ZNF260: variants seen among roughly 807,000 people sequenced by gnomAD.
The protein encoded by ZNF260 is zfp-260.
In ZNF260, 21 loss-of-function variants were observed where a neutral mutation model predicts 29.3. That is an observed-to-expected ratio of 0.72 (90% confidence interval 0.51 to 1.03). The LOEUF (loss-of-function observed/expected upper bound fraction) is 1.03, where lower values mean the gene tolerates loss of function less well. ZNF260 is among the 50% of genes least tolerant of loss of function. The pLI is 0.00. For synonymous variants in ZNF260, 156 were observed against 156.8 expected, an observed-to-expected ratio of 0.99 and a Z score of 0.04; for missense variants, 465 against 487.8, an observed-to-expected ratio of 0.95 and a Z score of 0.44.
At chr19:36,524,125 GTTT>G (rs1390728248) in intron 2 of ZNF260, among the ~76,000 whole-genome samples, 1 of 151,948 alleles carries the variant, frequency 6.6e-6, no homozygotes, top group Non-Finnish European at 1.5e-5. Flanking sequence ...GTCTTTGAAA[GTTT>G]TTTTATTGAT....
At chr19:36,518,460 T>G (rs1293719064) in intron 2 of ZNF260, among the ~76,000 whole-genome samples, 2 of 152,108 alleles carry the variant, frequency 1.3e-5, no homozygotes, top group African/African-American at 2.4e-5. Context: ...TAAAGAGGTG[T>G]TTTTAGAAAT....
chr19:36,526,924 C>G (rs533353546), intron 1 of ZNF260, among the ~76,000 whole-genome samples: 1 of 152,186 alleles, frequency 6.6e-6, no homozygotes, highest in Non-Finnish European at 1.5e-5. Flanking sequence ...TACTTAGAAG[C>G]CTTCTCTAAG....
Position 36,513,689 on chromosome 19 carries a change from C to A in ZNF260, c.*311G>T. ...CTCTTAATTTCAAATCCTCATACATCTCATATCTATTTCTTAATGCATCTG... is the reference window on the plus strand; with the variant it reads ...CTCTTAATTTCAAATCCTCATACATATCATATCTATTTCTTAATGCATCTG... On this transcript the variant is annotated 3_prime_UTR_variant, in exon 3 of 3. Coordinates refer to ENST00000523638, the MANE Select transcript of ZNF260 (RefSeq NM_001166037.2). The A allele has an allele frequency of 2.3e-6, 1 of 425,688 alleles. No individual in the cohort carries two copies. The highest frequency in any genetic ancestry group is 4.2e-6 in the Non-Finnish European group (1 of 240,066). 26.4% of individuals were successfully genotyped at this position (425,688 alleles called of 1,614,324 possible).
chr19:36,516,164 G>A (rs569297143), intron 2 of ZNF260, among the ~76,000 whole-genome samples: 182 of 152,178 alleles, frequency 1.2e-3, no homozygotes, highest in African/African-American at 3.9e-3. Flanking sequence ...AAGCCACTGC[G>A]CACGGCTGTA....
At chr19:36,519,340 T>G (rs1016079930) in intron 2 of ZNF260, among the ~76,000 whole-genome samples, 2 of 152,196 alleles carry the variant, frequency 1.3e-5, no homozygotes, top group African/African-American at 2.4e-5. Flanking sequence ...CAACAATGCT[T>G]ACAGTGTTAT....
At chr19:36,517,821 T>G (rs1367964608) in intron 2 of ZNF260, among the ~76,000 whole-genome samples, 1 of 152,064 alleles carries the variant, frequency 6.6e-6, no homozygotes, top group East Asian at 1.9e-4. Flanking sequence ...AAGAATTATT[T>G]TCTTTTTTCT....
Position 36,514,837 on chromosome 19 carries a change from T to C in ZNF260, c.402A>G (p.Lys134=). Residue 134 remains lysine, a synonymous_variant, in exon 3 of 3, where the codon AAA becomes AAG. Coordinates refer to ENST00000523638, the MANE Select transcript of ZNF260 (RefSeq NM_001166037.2). ...IRHQKNHTGT[K]PYACKECGKA... is the part of the protein sequence containing the mutation. ...TGCCACATTCCTTACATGCATAGGG[T>C]TTGGTTCCTGTATGATTTTTCTGGT... 6.2e-7 allele frequency: 1 copy of C among 1,614,006 alleles called. No individual in the cohort carries two copies.
At chr19:36,518,645 C>A (rs1255702052) in intron 2 of ZNF260, among the ~76,000 whole-genome samples, 2 of 151,834 alleles carry the variant, frequency 1.3e-5, no homozygotes, top group African/African-American at 4.8e-5. Context: ...TAAAGAAGTT[C>A]CAAAGAAAGT....
At chr19:36,521,746 T>G (rs780371650) in intron 2 of ZNF260, among the ~76,000 whole-genome samples, 1 of 145,104 alleles carries the variant, frequency 6.9e-6, no homozygotes, top group Non-Finnish European at 1.5e-5. Flanking sequence ...ACAGCAAGAC[T>G]CTGTCTAAAA....
intron 1 of ZNF260, among the ~76,000 whole-genome samples, chr19:36,526,180 T>C (rs1263830536): frequency 6.6e-6 from 1 of 152,218 alleles, no homozygotes; most frequent in Non-Finnish European, 1.5e-5. Flanking sequence ...CTTCCCTTGA[T>C]ATCACAGGAG....
In ZNF260 at chr19:36,512,138, C is replaced by A. The variant is rs538521656; in HGVS notation, c.*1862G>T. ...CAAGACTATATACAGATTAGAACTA[C>A]GTACAGATTATGTAAAATTTACTCT... On this transcript the variant is annotated 3_prime_UTR_variant, in exon 3 of 3. Transcript: ENST00000523638. 6.6e-6 allele frequency: 1 copy of A among 151,942 alleles called. No homozygotes were observed. The highest frequency in any genetic ancestry group is 1.5e-5 in the Non-Finnish European group (1 of 68,006). 9.4% of individuals were successfully genotyped at this position (151,942 alleles called of 1,614,324 possible).
In ZNF260 at chr19:36,514,829, G is replaced by A. The variant is rs1162125047; in HGVS notation, c.410C>T (p.Ala137Val). Residue 137 changes from alanine to valine, a missense_variant, in exon 3 of 3, where the codon GCA (alanine) becomes GTA (valine). Physicochemically the swap from Ala to Val is moderately conservative, Grantham distance 64 (BLOSUM62 0). Coordinates refer to ENST00000523638, the MANE Select transcript of ZNF260 (RefSeq NM_001166037.2). ...AAAGGCTTTGCCACATTCCTTACAT[G>A]CATAGGGTTTGGTTCCTGTATGATT... ...QKNHTGTKPYACKECGKAFNG... is the reference protein window; with the variant it reads ...QKNHTGTKPYVCKECGKAFNG... 4 of 1,613,864 alleles carry A rather than the reference G, an allele frequency of 2.5e-6. No individual in the cohort carries two copies. The highest frequency in any genetic ancestry group is 2.2e-5 in the South Asian group (2 of 91,074).
rs769973660 is a variant in ZNF260 at position 36,515,047 on chromosome 19, G to T, written c.192C>A (p.Cys64Ter). 2.5e-6 allele frequency: 4 copies of T among 1,613,934 alleles called. No homozygotes were observed. In the African/African-American group the frequency reaches 5.3e-5, roughly 22 times the overall value. Reference protein sequence around the residue: ...SHECTECGKVCSRVSSLTLHL... With the variant: ...SHECTECGKV ...GTAGAGTAAGAGATGAGACTCGAGA[G>T]CACACTTTACCACATTCAGTGCATT... The change falls in exon 3 of 3, where the codon TGC (cysteine) becomes TGA (stop). Residue 64 changes from cysteine to a stop codon, truncating the protein, a stop_gained. Transcript: ENST00000523638. LOFTEE classifies it high-confidence loss of function.
At position 36,515,369 on chromosome 19, in the gene ZNF260, T is replaced by A; in HGVS notation, c.-131A>T. 1.0e-6 allele frequency: 1 copy of A among 1,004,874 alleles called. No individual in the cohort carries two copies. Among genetic ancestry groups the A allele is most frequent in the Non-Finnish European group, 1.4e-6 (1 of 714,818 alleles). 62.2% of individuals were successfully genotyped at this position (1,004,874 alleles called of 1,614,324 possible). A position where few individuals can be genotyped will look rare whatever the true frequency, so the allele number is the denominator to read the frequency against. ...TTCTCAGGTATCTAATGAAGTTAAATTTATGATGGAAGACTTTTCTCACAT... is the reference window on the plus strand; with the variant it reads ...TTCTCAGGTATCTAATGAAGTTAAAATTATGATGGAAGACTTTTCTCACAT... On this transcript the variant is annotated 5_prime_UTR_variant, in exon 3 of 3. Coordinates refer to ENST00000523638, the MANE Select transcript of ZNF260 (RefSeq NM_001166037.2).
At chr19:36,518,436 T>C (rs1222497225) in intron 2 of ZNF260, among the ~76,000 whole-genome samples, 1 of 152,202 alleles carries the variant, frequency 6.6e-6, no homozygotes, top group African/African-American at 2.4e-5. Flanking sequence ...CAATGAAATA[T>C]TAACAGTGTT....
At chr19:36,524,175 A>G (rs1568555171) in intron 2 of ZNF260, among the ~76,000 whole-genome samples, 1 of 151,804 alleles carries the variant, frequency 6.6e-6, no homozygotes, top group Non-Finnish European at 1.5e-5. Flanking sequence ...AATTTATTTT[A>G]TTTATTATTA....
At chr19:36,522,987 A>C (rs1308731781) in intron 2 of ZNF260, among the ~76,000 whole-genome samples, 1 of 152,150 alleles carries the variant, frequency 6.6e-6, no homozygotes, top group Non-Finnish European at 1.5e-5. Context: ...AATACTAATC[A>C]CCAGCCTGGA....
At chr19:36,519,908 A>G (rs2034613325) in intron 2 of ZNF260, among the ~76,000 whole-genome samples, 1 of 152,114 alleles carries the variant, frequency 6.6e-6, no homozygotes, top group Non-Finnish European at 1.5e-5. Flanking sequence ...AAGTAAATAT[A>G]AGAAAAACAG....
chr19:36,518,476 A>G (rs2034589126), intron 2 of ZNF260, among the ~76,000 whole-genome samples: 3 of 152,210 alleles, frequency 2.0e-5, no homozygotes, highest in South Asian at 4.1e-4. Context: ...GAAATAAACA[A>G]TATGAAATTG....
Sources: allele counts gnomAD v4.1 joint callset (sites outside exome capture counted in the v4.1 genomes callset), GRCh38; gene constraint gnomAD v4.1.1; transcripts MANE v1.5; gene names NCBI Gene and HGNC (gene_info 2026-07-23, HGNC 2026-07-21).